HEATR5B: variants seen among roughly 807,000 people sequenced by gnomAD.
The protein encoded by HEATR5B is HEAT repeat-containing protein 5B.
HEATR5B carries 156 observed loss-of-function variants against 224.1 expected under a neutral mutation model. The ratio of observed to expected loss-of-function variants is 0.70; its 90% CI spans 0.61 to 0.80. The LOEUF (loss-of-function observed/expected upper bound fraction) is 0.80, where lower values mean the gene tolerates loss of function less well. Ranked by LOEUF, HEATR5B falls within the 30% of genes least tolerant of loss-of-function variation. The pLI is 0.00. For missense variants in HEATR5B, 2,323 were observed against 2,535.5 expected, an observed-to-expected ratio of 0.92 and a Z score of 1.80; for synonymous variants, 1,027 against 893.0, an observed-to-expected ratio of 1.15 and a Z score of -2.68.
intron 2 of HEATR5B, among the ~76,000 whole-genome samples, chr2:37,080,956 G>A (rs566261101): frequency 7.2e-5 from 11 of 152,268 alleles, no homozygotes; most frequent in Admixed American, 2.0e-4. Flanking sequence ...TGGGTGGAGG[G>A]TGTACAGATA....
At chr2:37,014,875 C>T (rs866554981) in intron 26 of HEATR5B, among the ~76,000 whole-genome samples, 16 of 151,506 alleles carry the variant, frequency 1.1e-4, no homozygotes, top group South Asian at 8.3e-4. Flanking sequence ...CCCAGCTGCT[C>T]GGGAGGCTGA....
intron 4 of HEATR5B, 76 bp from the exon 5 acceptor site, chr2:37,075,710 T>C (rs1221709428): frequency 2.0e-5 from 23 of 1,152,336 alleles, no homozygotes; most frequent in Non-Finnish European, 2.6e-5. Flanking sequence ...AAGACAAAAG[T>C]TCTTTGGGTC....
intron 26 of HEATR5B, among the ~76,000 whole-genome samples, chr2:37,015,620 T>A (rs181504022): frequency 4.2e-4 from 64 of 152,236 alleles, no homozygotes; most frequent in African/African-American, 1.4e-3. Flanking sequence ...GGAAGGAAGG[T>A]GATACTACTG....
At chr2:37,010,230 T>A (rs556180939) in intron 27 of HEATR5B, among the ~76,000 whole-genome samples, 1 of 152,230 alleles carries the variant, frequency 6.6e-6, no homozygotes, top group East Asian at 1.9e-4. Context: ...AAAGAATTGC[T>A]CTAGATAAAA....
Position 37,036,112 on chromosome 2 carries a change from G to A in HEATR5B, c.3216+1743C>T, listed in dbSNP as rs114727360. 1.6e-3 allele frequency among the ~76,000 whole-genome samples: 247 copies of A among 152,128 alleles called. 2 individuals are homozygous for A. The highest frequency in any genetic ancestry group is 2.6e-3 in the Non-Finnish European group (179 of 68,022). On this transcript the variant is annotated intron_variant, in intron 21 of 35. Coordinates refer to ENST00000233099, the MANE Select transcript of HEATR5B (RefSeq NM_019024.3). ...ACTACCATCTTCTTCCGAGAATACC[G>A]TAATTCTTACCCTGTAGAGTCCACT...
At chr2:36,982,922 C>T (rs945336253) in intron 35 of HEATR5B, among the ~76,000 whole-genome samples, 3 of 119,000 alleles carry the variant, frequency 2.5e-5, no homozygotes, top group African/African-American at 5.9e-5. Flanking sequence ...GTATAGGGGA[C>T]GAGAAGTGTT....
At chr2:37,025,139 A>G (rs1668689012) in intron 24 of HEATR5B, among the ~76,000 whole-genome samples, 1 of 152,176 alleles carries the variant, frequency 6.6e-6, no homozygotes, top group African/African-American at 2.4e-5. Flanking sequence ...ATGACTGTTC[A>G]GAATCAGAAT....
intron 4 of HEATR5B, chr2:37,076,260 A>G (rs955702371): frequency 4.6e-5 from 7 of 152,258 alleles, no homozygotes; most frequent in African/African-American, 1.7e-4. Context: ...TAAGTCCTCA[A>G]TTCTTTTTTA....
rs761834580 is a variant in HEATR5B, at chr2:36,988,763, C to T, written c.5794G>A (p.Val1932Ile). 6 of 1,613,990 alleles carry T rather than the reference C, an allele frequency of 3.7e-6. No homozygotes were observed. The East Asian group carries it at 1.3e-4, about 36-fold the overall frequency. Residue 1932 changes from valine (V) to isoleucine (I), a missense_variant, in exon 35 of 36, where the codon GTT (valine) becomes ATT (isoleucine). Physicochemically the swap from Val to Ile is conservative, Grantham distance 29 (BLOSUM62 3). Coordinates refer to ENST00000233099, the MANE Select transcript of HEATR5B (RefSeq NM_019024.3). ...CTTTCAACAGCTTTTAGCTTTTCAA[C>T]CACTATTGGAGCTAATGAATGAATA... ...PYIHSLAPIV[V>I]EKLKAVERNR...
At chr2:37,050,218 T>C (rs571905504) in intron 17 of HEATR5B, among the ~76,000 whole-genome samples, 1 of 152,288 alleles carries the variant, frequency 6.6e-6, no homozygotes, top group Admixed American at 6.5e-5. Flanking sequence ...AAATACATGC[T>C]GCAATCTTTC....
chr2:37,051,235 A>C (rs569588822), intron 17 of HEATR5B, among the ~76,000 whole-genome samples: 1 of 150,930 alleles, frequency 6.6e-6, no homozygotes, highest in African/African-American at 2.4e-5. Context: ...GCGTGCCTAT[A>C]ATCTCAGCTA....
intron 22 of HEATR5B, among the ~76,000 whole-genome samples, chr2:37,029,936 A>AAAATAAATAAAT (rs150155666): frequency 0.18 from 26,196 of 142,254 alleles, 2,738 homozygotes; most frequent in African/African-American, 0.21. Context: ...TCTATCTCAA[A>AAAATAAATAAAT]AAATAAATAA....
At position 37,049,850 on chromosome 2, in the gene HEATR5B, TAA is replaced by T. The variant is rs60184195; in HGVS notation, c.2506-9_2506-8del. The T allele has an allele frequency of 0.14, 139,161 of 972,340 alleles. 186 individuals are homozygous for T. Among genetic ancestry groups the T allele is most frequent in the Non-Finnish European group, 0.15 (115,758 of 766,658 alleles). 60.2% of individuals were successfully genotyped at this position (972,340 alleles called of 1,614,324 possible). A position where few individuals can be genotyped will look rare whatever the true frequency, so the allele number is the denominator to read the frequency against. On this transcript the variant is annotated splice_polypyrimidine_tract_variant and splice_region_variant and intron_variant, in intron 17 of 35. Coordinates refer to ENST00000233099, the MANE Select transcript of HEATR5B (RefSeq NM_019024.3). The stretch of plus-strand genomic sequence containing the variant: ...TTTTGTTTTCAGCTAAGCCCTACAT[TAA>T]AAAAAAAAAAAAAAAAAAGACAGCA...
intron 35 of HEATR5B, among the ~76,000 whole-genome samples, chr2:36,984,182 A>G (rs987305995): frequency 5.8e-5 from 7 of 121,104 alleles, no homozygotes; most frequent in Non-Finnish European, 1.0e-4. Flanking sequence ...CCTGGGCAAC[A>G]AGAGTGAAAC....
rs1240851855 is a variant in HEATR5B, at chr2:37,060,719, G to A, written c.1711C>T (p.Arg571Cys). 1 of 1,613,018 alleles carries A rather than the reference G, an allele frequency of 6.2e-7. No homozygotes were observed. The highest frequency in any genetic ancestry group is 8.5e-7 in the Non-Finnish European group (1 of 1,179,400). The change falls in exon 12 of 36, where the codon CGT (arginine) becomes TGT (cysteine). Residue 571 changes from arginine to cysteine, a missense_variant. By Grantham distance (180) the Arg-to-Cys change is radical. Coordinates refer to ENST00000233099, the MANE Select transcript of HEATR5B (RefSeq NM_019024.3). ...ALMTLGPSVV[R>C]YHLPKMLLLW... ...AACAACATCTTGGGCAGATGGTAAC[G>A]AACGACAGATGGTCCTAGCCAAGAA... is the stretch of plus-strand genomic sequence containing the variant.
intron 33 of HEATR5B, among the ~76,000 whole-genome samples, chr2:36,993,590 A>G (rs1033603310): frequency 6.6e-6 from 1 of 152,070 alleles, no homozygotes; most frequent in Admixed American, 6.6e-5. Context: ...GACAAGCGAG[A>G]AAGTCTCAAA....
chr2:37,005,539 T>G, intron 30 of HEATR5B, 93 bp downstream of exon 30: 6 of 1,133,946 alleles, frequency 5.3e-6, no homozygotes, highest in Non-Finnish European at 7.8e-6. Flanking sequence ...TAAAATAGGA[T>G]CCAATACAGA....
intron 26 of HEATR5B, 22 bp downstream of exon 26, chr2:37,019,787 A>C: frequency 6.6e-7 from 1 of 1,517,648 alleles, no homozygotes; most frequent in South Asian, 1.1e-5. Flanking sequence ...ACAACTATAC[A>C]AAGTCCCATT....
intron 33 of HEATR5B, among the ~76,000 whole-genome samples, chr2:36,998,923 C>G (rs1290595862): frequency 6.6e-6 from 1 of 151,380 alleles, no homozygotes; most frequent in African/African-American, 2.4e-5. Context: ...TAAGAAAAAA[C>G]ATAATATCAG....
Sources: gnomAD v4.1 joint callset for allele counts (sites outside exome capture counted in the v4.1 genomes callset) on GRCh38, gnomAD v4.1.1 for gene constraint, MANE v1.5 for transcripts, NCBI Gene and HGNC (gene_info 2026-07-23, HGNC 2026-07-21) for gene names.